Variants in CSNK1G2 observed in about 807,000 individuals in gnomAD.
The protein encoded by CSNK1G2 is casein kinase I isoform gamma-2.
A neutral mutation model predicts 48.0 loss-of-function variants in CSNK1G2; 11 were observed. The observed-to-expected ratio is 0.23, with a 90% confidence interval of 0.14 to 0.38. The LOEUF is 0.38. CSNK1G2 is among the 10% of genes least tolerant of loss of function. The probability of loss-of-function intolerance (pLI) is 1.00; values close to 1 mark genes in which losing one functional copy is unlikely to be tolerated. For missense variants in CSNK1G2, 446 were observed against 595.5 expected (o/e 0.75, Z 2.61); for synonymous variants, 337 against 254.1 (o/e 1.33, Z -3.10).
intron 1 of CSNK1G2, among the ~76,000 whole-genome samples, chr19:1,941,911 G>T (rs1172293164): frequency 6.8e-6 from 1 of 147,204 alleles, no homozygotes; most frequent in East Asian, 2.1e-4. Context: ...ACTCACCCGC[G>T]TCCCTCACGC....
rs2015959989 is a variant in CSNK1G2 at position 1,980,751 on chromosome 19, C to T, written c.*548C>T. 6.5e-6 allele frequency: 1 copy of T among 153,590 alleles called. No homozygotes were observed. Among genetic ancestry groups the T allele is most frequent in the African/African-American group, 2.4e-5 (1 of 41,446 alleles). 9.5% of individuals were successfully genotyped at this position (153,590 alleles called of 1,614,324 possible). ...GGGTGAGGCCGTGCCCCAGGCCTCC[C>T]CGAAACCAAAGGGGAAGGCAGGGGT... On this transcript the variant is annotated 3_prime_UTR_variant, in exon 12 of 12. Coordinates refer to ENST00000255641, the MANE Select transcript of CSNK1G2 (RefSeq NM_001319.7).
intron 1 of CSNK1G2, among the ~76,000 whole-genome samples, chr19:1,961,531 G>A (rs1206539640): frequency 1.3e-5 from 2 of 152,258 alleles, no homozygotes; most frequent in Admixed American, 6.5e-5. Flanking sequence ...GGCCTCAGTG[G>A]GGGATCCCAG....
chr19:1,979,651 G>T lies in CSNK1G2; in HGVS notation c.1002+8G>T. 6.2e-7 allele frequency: 1 copy of T among 1,602,314 alleles called. No homozygotes were observed. The highest frequency in any genetic ancestry group is 8.5e-7 in the Non-Finnish European group (1 of 1,179,762). On this transcript the variant is annotated splice_region_variant and intron_variant, in intron 9 of 11. Transcript: ENST00000255641. ...TGGGCCGGGAAGCCCCTGGTAGGTG[G>T]GGGGGTGCCGGTATGTGGGAGCGGG...
At position 1,954,215 on chromosome 19, in the gene CSNK1G2, C is replaced by T. The variant is rs1056054234; in HGVS notation, c.-266+12797C>T. On this transcript the variant is annotated intron_variant, in intron 1 of 11. Transcript: ENST00000255641. ...GCGCCCCTCCATTGTGGAGGGCGCC[C>T]TTCCGTCTGCCCTGCGTCACTGGGC... The T allele has an allele frequency of 1.7e-5, 6 of 352,578 alleles. No homozygotes were observed. In the East Asian group the frequency reaches 4.3e-4, roughly 26 times the overall value. The allele number at this position is 352,578 out of a possible 1,614,324, so 21.8% of individuals were successfully genotyped here.
intron 1 of CSNK1G2, among the ~76,000 whole-genome samples, chr19:1,967,700 A>G: frequency 2.8e-5 from 2 of 70,298 alleles, no homozygotes; most frequent in South Asian, 5.3e-4. Flanking sequence ...GGCTGCCCCC[A>G]CCACCCTTCA....
At chr19:1,958,034 A>G (rs2015058808) in intron 1 of CSNK1G2, among the ~76,000 whole-genome samples, 1 of 151,994 alleles carries the variant, frequency 6.6e-6, no homozygotes, top group Admixed American at 6.5e-5. Flanking sequence ...ACGCGTCCTG[A>G]CGACGGCACT....
intron 1 of CSNK1G2, chr19:1,968,774 C>T (rs773790335): frequency 1.5e-4 from 23 of 152,644 alleles, no homozygotes; most frequent in Non-Finnish European, 2.8e-4. Flanking sequence ...CCTCAAGCCC[C>T]GCCATTCCCT....
intron 1 of CSNK1G2, chr19:1,953,323 AG>A (rs1475024689): frequency 1.9e-6 from 1 of 523,294 alleles, no homozygotes; most frequent in Non-Finnish European, 3.9e-6. Flanking sequence ...GAGGCTGCTG[AG>A]GTGGCGCAGG....
rs1428519517 is a variant in CSNK1G2 at position 1,951,584 on chromosome 19, C to T, written c.-266+10166C>T. Among the ~76,000 whole-genome samples, 3 of 145,428 alleles carry T rather than the reference C, an allele frequency of 2.1e-5. No individual in the cohort carries two copies. In the East Asian group the frequency reaches 6.4e-4, roughly 31 times the overall value. On this transcript the variant is annotated intron_variant, in intron 1 of 11. Coordinates refer to ENST00000255641, the MANE Select transcript of CSNK1G2 (RefSeq NM_001319.7). The stretch of plus-strand genomic sequence containing the variant: ...GGGTCCCAGTTGGGGGGTGCAGCCT[C>T]CCGATGGGCCAGGATGGGGGATGCT...
In CSNK1G2 at chr19:1,975,898, G is replaced by A. The variant is rs972262537; in HGVS notation, c.188-2407G>A. ...TAAAAATACAAAAATTAGCCAGGTTGATGGTGCCTGCCTGTAATTCCAGCT... is the reference window on the plus strand; with the variant it reads ...TAAAAATACAAAAATTAGCCAGGTTAATGGTGCCTGCCTGTAATTCCAGCT... On this transcript the variant is annotated intron_variant, in intron 2 of 11. Coordinates refer to ENST00000255641, the MANE Select transcript of CSNK1G2 (RefSeq NM_001319.7). 51 of 612,032 alleles carry A rather than the reference G, an allele frequency of 8.3e-5. No homozygotes were observed. In the African/African-American group the frequency reaches 9.9e-4, roughly 12 times the overall value. The allele number at this position is 612,032 out of a possible 1,614,324, so 37.9% of individuals were successfully genotyped here.
intron 1 of CSNK1G2, among the ~76,000 whole-genome samples, chr19:1,962,057 C>T (rs180981156): frequency 2.2e-4 from 34 of 152,324 alleles, no homozygotes; most frequent in African/African-American, 6.0e-4. Flanking sequence ...TGGCCAGGCG[C>T]GGTGGCTCAC....
rs1568182840 is a variant in CSNK1G2 at position 1,951,005 on chromosome 19, G to A, written c.-266+9587G>A. On this transcript the variant is annotated intron_variant, in intron 1 of 11. Coordinates refer to ENST00000255641, the MANE Select transcript of CSNK1G2 (RefSeq NM_001319.7). The stretch of plus-strand genomic sequence containing the variant: ...ACCATGGGGGTCAGAGAGCTGGCCA[G>A]GCGGGTGGTCTGTGTCTGTCCCCTG... Among the ~76,000 whole-genome samples, 3 of 146,402 alleles carry A rather than the reference G, an allele frequency of 2.0e-5. 1 individual carries two copies. In the East Asian group the frequency reaches 6.3e-4, roughly 31 times the overall value.
At position 1,960,959 on chromosome 19, in the gene CSNK1G2, A is replaced by G. The variant is rs558366029; in HGVS notation, c.-265-8549A>G. Among the ~76,000 whole-genome samples the G allele has an allele frequency of 3.9e-5, 6 of 152,358 alleles. No homozygotes were observed. In the South Asian group the frequency reaches 8.3e-4, roughly 21 times the overall value. On this transcript the variant is annotated intron_variant, in intron 1 of 11. Coordinates refer to ENST00000255641, the MANE Select transcript of CSNK1G2 (RefSeq NM_001319.7). ...TGTGGATGCTGAGAGGGTTTCCAGA[A>G]GAAGGAGAATGTCCCCGTGCTGGTG...
chr19:1,963,088 C>A (rs1685009200), intron 1 of CSNK1G2, among the ~76,000 whole-genome samples: 1 of 152,170 alleles, frequency 6.6e-6, no homozygotes, highest in African/African-American at 2.4e-5. Context: ...ACGCCAGACA[C>A]AGAGGACATG....
chr19:1,980,143 C>T lies in CSNK1G2; in HGVS notation c.1194-6C>T, dbSNP rs573049241. On this transcript the variant is annotated splice_region_variant and splice_polypyrimidine_tract_variant and intron_variant, in intron 11 of 11. Coordinates refer to ENST00000255641, the MANE Select transcript of CSNK1G2 (RefSeq NM_001319.7). Reference sequence around the variant, plus strand: ...GTCCTCCTACCTGAGCCACTGCCCTCCTCAGATGCTGCTGTTTCTTCAAGA... The same window carrying T: ...GTCCTCCTACCTGAGCCACTGCCCTTCTCAGATGCTGCTGTTTCTTCAAGA... 5 of 1,612,946 alleles carry T rather than the reference C, an allele frequency of 3.1e-6. No individual in the cohort carries two copies. The highest frequency in any genetic ancestry group is 1.3e-5 in the African/African-American group (1 of 75,050).
chr19:1,967,469 G>T (rs2015399633), intron 1 of CSNK1G2, among the ~76,000 whole-genome samples: 2 of 152,152 alleles, frequency 1.3e-5, no homozygotes, highest in African/African-American at 4.8e-5. Flanking sequence ...GGGGCCAGGG[G>T]TGGCTGGGGC....
chr19:1,965,117 C>T (rs936039541), intron 1 of CSNK1G2, among the ~76,000 whole-genome samples: 5 of 148,028 alleles, frequency 3.4e-5, no homozygotes, highest in Non-Finnish European at 7.5e-5. Flanking sequence ...AGTTTCCGGC[C>T]GGGCGCGGTG....
chr19:1,945,243 G>A (rs1231825541), intron 1 of CSNK1G2, among the ~76,000 whole-genome samples: 2 of 152,224 alleles, frequency 1.3e-5, no homozygotes, highest in Non-Finnish European at 1.5e-5. Flanking sequence ...GCCCACAGGG[G>A]AGCCGCTTCT....
chr19:1,957,797 G>C lies in CSNK1G2; in HGVS notation c.-265-11711G>C, dbSNP rs898158052. Among the ~76,000 whole-genome samples, 1 of 147,422 alleles carries C rather than the reference G, an allele frequency of 6.8e-6. No homozygotes were observed. The highest frequency in any genetic ancestry group is 1.5e-5 in the Non-Finnish European group (1 of 66,156). ...TGCTCGGTGGGTGCCGTGTGTGGGG[G>C]GTATGTGCTCGGCGGGCGCCGTGTT... On this transcript the variant is annotated intron_variant, in intron 1 of 11. Transcript: ENST00000255641. This position sits in a 1 kb window ranked among gnomAD's most constrained non-coding sequence, Gnocchi z 5.4.
Sources: gnomAD v4.1 joint callset for allele counts (sites outside exome capture counted in the v4.1 genomes callset) on GRCh38, gnomAD v4.1.1 for gene constraint, Gnocchi (gnomAD v3.1) non-coding constraint, MANE v1.5 for transcripts, NCBI Gene and HGNC (gene_info 2026-07-23, HGNC 2026-07-21) for gene names.